Variants in ZNF536 observed in about 807,000 individuals in gnomAD.
ZNF536 encodes zinc finger protein 536.
In ZNF536, 13 loss-of-function variants were observed where a neutral mutation model predicts 84.5. The observed-to-expected ratio is 0.15, with a 90% CI of 0.10 to 0.24. ZNF536 has a LOEUF of 0.24. ZNF536 is among the 10% of genes least tolerant of loss of function. ZNF536 has a pLI of 1.00. For synonymous variants in ZNF536, 811 were observed against 742.5 expected, an observed-to-expected ratio of 1.09 and a Z score of -1.50; for missense variants, 1,536 against 1,747.5, an observed-to-expected ratio of 0.88 and a Z score of 2.16.
chr19:30,275,569 C>T (rs1025495590), intron 1 of ZNF536, among the ~76,000 whole-genome samples: 2 of 152,134 alleles, frequency 1.3e-5, no homozygotes, highest in African/African-American at 4.8e-5. Flanking sequence ...TGGCTCACAG[C>T]ATGGGTCATG....
In ZNF536 at chr19:30,518,158, G is replaced by A. The variant is rs1057507384; in HGVS notation, c.2171-16689G>A. On this transcript the variant is annotated intron_variant, in intron 2 of 4. Coordinates refer to ENST00000355537, the MANE Select transcript of ZNF536 (RefSeq NM_014717.3). ...CTGATCCAGTCAATGCTCCAAGCAC[G>A]GTCCAGCCATCACCTCGCAGCTGGC... Among the ~76,000 whole-genome samples, 10 of 152,126 alleles carry A rather than the reference G, an allele frequency of 6.6e-5. No homozygotes were observed. In the East Asian group the frequency reaches 1.7e-3, roughly 26 times the overall value.
intron 2 of ZNF536, among the ~76,000 whole-genome samples, chr19:30,324,386 C>T (rs2046955836): frequency 6.6e-6 from 1 of 152,080 alleles, no homozygotes; most frequent in Non-Finnish European, 1.5e-5. Flanking sequence ...CCCTGGTATT[C>T]TTTCTTTTTT....
intron 2 of ZNF536, among the ~76,000 whole-genome samples, chr19:30,472,153 G>A (rs571973666): frequency 1.2e-4 from 19 of 152,228 alleles, no homozygotes; most frequent in South Asian, 1.0e-3. Context: ...GCTGCCAACC[G>A]GCTTCTCCTT....
In ZNF536 at chr19:30,404,370, A is replaced by G. The variant is rs1274726942; in HGVS notation, c.-3+31814A>G. On this transcript the variant is annotated intron_variant, in intron 1 of 4. Coordinates refer to ENST00000355537, the MANE Select transcript of ZNF536 (RefSeq NM_014717.3). ...CATCCCTGGAACTCCAGCATCCTCA[A>G]CTGCAGGCCACTTGAGGTAGTGATG... Among the ~76,000 whole-genome samples the G allele has an allele frequency of 2.6e-5, 4 of 152,016 alleles. No homozygotes were observed. In the East Asian group the frequency reaches 7.8e-4, roughly 29 times the overall value.
chr19:30,535,325 C>G (rs772477809), intron 3 of ZNF536, among the ~76,000 whole-genome samples: 11 of 152,160 alleles, frequency 7.2e-5, no homozygotes, highest in Non-Finnish European at 1.5e-4. Flanking sequence ...CCTCCCCAGG[C>G]GCCTGTATGA....
At chr19:30,374,093 TC>T (rs2048715520) in intron 1 of ZNF536, among the ~76,000 whole-genome samples, 2 of 152,358 alleles carry the variant, frequency 1.3e-5, no homozygotes, top group Admixed American at 1.3e-4. Flanking sequence ...GGGCATTATT[TC>T]GCCTGAGTCC....
chr19:30,532,175 G>A (rs1296342027), intron 2 of ZNF536, among the ~76,000 whole-genome samples: 1 of 151,828 alleles, frequency 6.6e-6, no homozygotes, highest in African/African-American at 2.4e-5. Context: ...TGTTGCCCAG[G>A]CTGGAGTATG....
intron 1 of ZNF536, among the ~76,000 whole-genome samples, chr19:30,432,400 T>C (rs1480351805): frequency 6.6e-6 from 1 of 152,084 alleles, no homozygotes. Flanking sequence ...AAGCTTCCAT[T>C]CTGAGGAAGC....
At chr19:30,644,936 T>C (rs1252134418) in intron 1 of ZNF536, among the ~76,000 whole-genome samples, 1 of 152,196 alleles carries the variant, frequency 6.6e-6, no homozygotes, top group Non-Finnish European at 1.5e-5. Flanking sequence ...CCCTGAGGAA[T>C]CGCCACACTG....
chr19:30,425,773 T>C (rs1303009239), intron 1 of ZNF536, among the ~76,000 whole-genome samples: 1 of 152,174 alleles, frequency 6.6e-6, no homozygotes, highest in African/African-American at 2.4e-5. Context: ...CTCAAACTGA[T>C]TTTATAGTCA....
chr19:30,547,914 CT>C (rs747339749), intron 3 of ZNF536, 28 bp from the exon 4 acceptor site: 6 of 1,512,660 alleles, frequency 4.0e-6, no homozygotes, highest in African/African-American at 1.4e-5. Flanking sequence ...ATAAACGCCT[CT>C]TTTTTTTCTT....
At chr19:30,581,704 G>A (rs1312673927) in intron 1 of ZNF536, among the ~76,000 whole-genome samples, 1 of 152,010 alleles carries the variant, frequency 6.6e-6, no homozygotes, top group Non-Finnish European at 1.5e-5. Context: ...TTGGGAGGCC[G>A]AGGTGGGCGG....
chr19:30,345,871 A>G (rs2047725508), intron 2 of ZNF536, among the ~76,000 whole-genome samples: 1 of 152,200 alleles, frequency 6.6e-6, no homozygotes, highest in African/African-American at 2.4e-5. Flanking sequence ...AGCTGGAGGC[A>G]GAAGGAAGGA....
chr19:30,326,666 G>A (rs28594681), intron 2 of ZNF536, among the ~76,000 whole-genome samples: 35,264 of 151,612 alleles, frequency 0.23, 4,820 homozygotes, highest in East Asian at 0.42. Context: ...GACGGCTTTC[G>A]ATGCGGGAGG....
intron 1 of ZNF536, among the ~76,000 whole-genome samples, chr19:30,427,463 C>T (rs946513831): frequency 6.6e-6 from 1 of 152,026 alleles, no homozygotes; most frequent in Non-Finnish European, 1.5e-5. Flanking sequence ...TGGAGTTATC[C>T]CAAGGGTGCA....
At chr19:30,294,134 T>C (rs1800113479) in intron 2 of ZNF536, among the ~76,000 whole-genome samples, 1 of 152,122 alleles carries the variant, frequency 6.6e-6, no homozygotes, top group African/African-American at 2.4e-5. Flanking sequence ...AAGCATTTAT[T>C]GAGGGTCCCT....
chr19:30,584,355 G>A (rs2146710173), intron 1 of ZNF536, among the ~76,000 whole-genome samples: 1 of 152,300 alleles, frequency 6.6e-6, no homozygotes, highest in African/African-American at 2.4e-5. Context: ...GGAGGATAAG[G>A]GATCAGTGGT....
chr19:30,489,039 C>G (rs2054404132), intron 2 of ZNF536, among the ~76,000 whole-genome samples: 1 of 152,162 alleles, frequency 6.6e-6, no homozygotes, highest in Non-Finnish European at 1.5e-5. Context: ...CCCAAGGTAT[C>G]TGCAAGACCA....
intron 1 of ZNF536, among the ~76,000 whole-genome samples, chr19:30,639,186 C>T (rs1016148754): frequency 6.6e-6 from 1 of 152,154 alleles, no homozygotes; most frequent in African/African-American, 2.4e-5. Flanking sequence ...TTTAGAGATG[C>T]CTTTTGACTG....
Sources: allele counts gnomAD v4.1 joint callset (sites outside exome capture counted in the v4.1 genomes callset), GRCh38; gene constraint gnomAD v4.1.1; transcripts MANE v1.5; gene names NCBI Gene and HGNC (gene_info 2026-07-23, HGNC 2026-07-21).